The following PVT1 variants were observed in gnomAD, a reference collection of about 807,000 sequenced individuals.
PVT1 encodes Pvt1 oncogene.
At chr8:128,032,367 C>G (rs1225576943) in intron 4 of PVT1, among the ~76,000 whole-genome samples, 1 of 152,190 alleles carries the variant, frequency 6.6e-6, no homozygotes. Context: ...CTTCGTTGTT[C>G]CCTCAGGACA....
chr8:127,923,881 G>T (rs1417838662), intron 3 of PVT1, among the ~76,000 whole-genome samples: 2 of 152,218 alleles, frequency 1.3e-5, no homozygotes, highest in African/African-American at 4.8e-5. Context: ...TGTCACTTCA[G>T]CATTTCCCTG....
chr8:127,888,552 G>T (rs144118187), intron 2 of PVT1, among the ~76,000 whole-genome samples: 33 of 152,358 alleles, frequency 2.2e-4, no homozygotes, highest in African/African-American at 7.7e-4. Context: ...CCCTGAGGTG[G>T]ACGGATGATT....
At chr8:127,866,717 G>A (rs1019924414) in intron 2 of PVT1, among the ~76,000 whole-genome samples, 2 of 152,128 alleles carry the variant, frequency 1.3e-5, no homozygotes, top group Non-Finnish European at 2.9e-5. Context: ...GTTAATCACT[G>A]GTGAAGGCAG....
At chr8:128,010,742 G>A (rs1157818716) in intron 4 of PVT1, 1 of 152,238 alleles carries the variant, frequency 6.6e-6, no homozygotes, top group Non-Finnish European at 1.5e-5. Context: ...ATCTACTCTG[G>A]ATGAGGCTCT....
intron 3 of PVT1, among the ~76,000 whole-genome samples, chr8:127,941,983 C>T (rs1816356382): frequency 6.6e-6 from 1 of 152,176 alleles, no homozygotes; most frequent in Non-Finnish European, 1.5e-5. Flanking sequence ...CAGGGCACCA[C>T]ACCTGTGGGC....
At chr8:127,871,719 A>C (rs754850664) in intron 2 of PVT1, among the ~76,000 whole-genome samples, 7 of 152,218 alleles carry the variant, frequency 4.6e-5, no homozygotes, top group Non-Finnish European at 7.3e-5. Flanking sequence ...TGATTCAAAA[A>C]CAAAACCCAG....
At chr8:127,829,355 G>A (rs550229382) in intron 2 of PVT1, among the ~76,000 whole-genome samples, 1 of 152,282 alleles carries the variant, frequency 6.6e-6, no homozygotes, top group South Asian at 2.1e-4. Flanking sequence ...AGATGGGGTG[G>A]TCCTGTACAT....
chr8:128,052,973 G>T (rs1397841712), intron 4 of PVT1, among the ~76,000 whole-genome samples: 1 of 152,200 alleles, frequency 6.6e-6, no homozygotes, highest in Non-Finnish European at 1.5e-5. Flanking sequence ...TAACCACTCT[G>T]CCAGACCTTT....
Position 128,012,295 on chromosome 8 carries a change from C to T in PVT1, n.912+23004C>T, listed in dbSNP as rs148258515. 5.9e-5 allele frequency among the ~76,000 whole-genome samples: 9 copies of T among 152,308 alleles called. No homozygotes were observed. The East Asian group carries it at 1.7e-3, about 29-fold the overall frequency. ...ACCTGGGTCTCTACTGTACTCTTTA[C>T]TCTACTCAGTCTTTTCCAAGGTGGA... On this transcript the variant is annotated intron_variant and non_coding_transcript_variant, in intron 4 of 10. Coordinates refer to ENST00000651587, the Ensembl canonical transcript of PVT1.
intron 2 of PVT1, among the ~76,000 whole-genome samples, chr8:127,830,124 C>T (rs1028069044): frequency 6.6e-6 from 1 of 152,240 alleles, no homozygotes; most frequent in Non-Finnish European, 1.5e-5. Flanking sequence ...AATAAGGCTA[C>T]ATTCTGAGGT....
At chr8:127,963,745 A>G (rs1816672640) in intron 3 of PVT1, among the ~76,000 whole-genome samples, 1 of 152,114 alleles carries the variant, frequency 6.6e-6, no homozygotes, top group Non-Finnish European at 1.5e-5. Context: ...TTGGGGAGGA[A>G]GCTGATCTAG....
intron 4 of PVT1, among the ~76,000 whole-genome samples, chr8:128,065,011 G>A (rs1813884868): frequency 1.3e-5 from 2 of 152,130 alleles, no homozygotes; most frequent in African/African-American, 4.8e-5. Context: ...TTAGAAATGT[G>A]CTTCTTCAAT....
At chr8:127,980,771 G>A (rs1235373515) in intron 3 of PVT1, among the ~76,000 whole-genome samples, 1 of 149,220 alleles carries the variant, frequency 6.7e-6, no homozygotes, top group African/African-American at 2.5e-5. Flanking sequence ...TCCTCTGTGA[G>A]TCACCAAAAA....
intron 3 of PVT1, among the ~76,000 whole-genome samples, chr8:127,934,374 G>A (rs183119804): frequency 6.6e-6 from 1 of 152,212 alleles, no homozygotes; most frequent in Non-Finnish European, 1.5e-5. Flanking sequence ...GGTGACTGGG[G>A]TGGGGACTGC....
At chr8:127,794,570 C>A (rs1172429515) in exon 1 of PVT1, 2 of 151,922 alleles carry the variant, frequency 1.3e-5, no homozygotes. Context: ...AGCACATGGG[C>A]CCGCGGGCCG....
intron 4 of PVT1, among the ~76,000 whole-genome samples, chr8:128,018,204 A>G (rs1817395701): frequency 6.6e-6 from 1 of 152,246 alleles, no homozygotes; most frequent in Non-Finnish European, 1.5e-5. Context: ...AAGGGACAGG[A>G]TGCAAATTGT....
At chr8:127,826,014 C>CTTTTTT (rs57575268) in intron 2 of PVT1, among the ~76,000 whole-genome samples, 217 of 89,570 alleles carry the variant, frequency 2.4e-3, no homozygotes, top group Non-Finnish European at 2.8e-3. Flanking sequence ...CCATGCCCAG[C>CTTTTTT]TTTTTTTTTT....
chr8:127,808,028 A>G (rs1422285154), intron 2 of PVT1, among the ~76,000 whole-genome samples: 5 of 150,740 alleles, frequency 3.3e-5, no homozygotes, highest in African/African-American at 4.9e-5. Context: ...TCAGCCTCCC[A>G]CAGTGTTAGG....
At chr8:128,075,215 G>GA in intron 5 of PVT1, among the ~76,000 whole-genome samples, 1 of 151,968 alleles carries the variant, frequency 6.6e-6, no homozygotes, top group Non-Finnish European at 1.5e-5. Context: ...GAAACATGGA[G>GA]ATCCCTTTCT....
Sources: gnomAD v4.1 joint callset for allele counts (sites outside exome capture counted in the v4.1 genomes callset) on GRCh38, gnomAD v4.1.1 for gene constraint, MANE v1.5 for transcripts, NCBI Gene and HGNC (gene_info 2026-07-23, HGNC 2026-07-21) for gene names.